USP34: variants seen among roughly 807,000 people sequenced by gnomAD.
USP34 encodes ubiquitin specific peptidase 34.
A neutral mutation model predicts 460.3 loss-of-function variants in USP34; 70 were observed. The observed-to-expected ratio is 0.15, with a 90% CI of 0.13 to 0.19. The LOEUF is 0.19. Among genes scored for constraint, USP34 ranks in the 10% least tolerant of loss-of-function variants. The probability of loss-of-function intolerance (pLI) is 1.00; values close to 1 mark genes in which losing one functional copy is unlikely to be tolerated. For missense variants in USP34, 3,985 were observed against 4,236.2 expected (o/e 0.94, Z 1.65); for synonymous variants, 1,647 against 1,405.3 (o/e 1.17, Z -3.85).
At chr2:61,460,383 G>A (rs1351220113) in intron 1 of USP34, among the ~76,000 whole-genome samples, 1 of 152,158 alleles carries the variant, frequency 6.6e-6, no homozygotes, top group Non-Finnish European at 1.5e-5. Flanking sequence ...TAGCTGTCCT[G>A]GTTATCAGAT....
At chr2:61,363,451 T>C (rs1296907640) in intron 10 of USP34, among the ~76,000 whole-genome samples, 2 of 152,060 alleles carry the variant, frequency 1.3e-5, no homozygotes, top group Non-Finnish European at 2.9e-5. Flanking sequence ...GATGGTAGAG[T>C]CTACTACACA....
chr2:61,404,976 C>G (rs1693824796), intron 3 of USP34, among the ~76,000 whole-genome samples: 1 of 151,604 alleles, frequency 6.6e-6, no homozygotes, highest in Non-Finnish European at 1.5e-5. Flanking sequence ...GTCTGTAATC[C>G]CAGCACTTTG....
Position 61,188,259 on chromosome 2 carries a change from T to C in USP34, c.10484A>G (p.Asp3495Gly). 6.2e-7 allele frequency: 1 copy of C among 1,614,056 alleles called. No homozygotes were observed. Among genetic ancestry groups the C allele is most frequent in the Non-Finnish European group, 8.5e-7 (1 of 1,180,032 alleles). ...SCDGQALPSQDPEVALSLSCG... is the reference protein window; with the variant it reads ...SCDGQALPSQGPEVALSLSCG... ...ACTGAGAGATAAAGCAACCTCAGGG[T>C]CCTGGGAGGGCAAAGCTTGGCCATC... Residue 3495 changes from aspartate to glycine, a missense_variant, in exon 80 of 80, where the codon GAC becomes GGC. Transcript: ENST00000398571.
At chr2:61,385,379 C>A (rs1225006362) in intron 5 of USP34, among the ~76,000 whole-genome samples, 1 of 151,984 alleles carries the variant, frequency 6.6e-6, no homozygotes, top group Non-Finnish European at 1.5e-5. Context: ...AGCTAAAACT[C>A]TCTAAGAAAT....
At position 61,358,257 on chromosome 2, in the gene USP34, G is replaced by A. The variant is rs1692165897; in HGVS notation, c.1252-7564C>T. On this transcript the variant is annotated intron_variant, in intron 10 of 79. Transcript: ENST00000398571. ...ATAGAGAAAACTAACAAAACCAAAGGACGGTTTGTTAAAGAATTTTATAAA... is the reference window on the plus strand; with the variant it reads ...ATAGAGAAAACTAACAAAACCAAAGAACGGTTTGTTAAAGAATTTTATAAA... Among the ~76,000 whole-genome samples the A allele has an allele frequency of 2.0e-5, 3 of 151,244 alleles. No individual in the cohort carries two copies. In the South Asian group the frequency reaches 6.3e-4, roughly 32 times the overall value.
chr2:61,317,440 T>G (rs1264720776), intron 23 of USP34, among the ~76,000 whole-genome samples: 1 of 152,104 alleles, frequency 6.6e-6, no homozygotes, highest in African/African-American at 2.4e-5. Context: ...GGCTAGAGAA[T>G]CTCTTGAATC....
intron 16 of USP34, 77 bp downstream of exon 16, chr2:61,343,738 G>T: frequency 6.9e-7 from 1 of 1,439,934 alleles, no homozygotes. Context: ...CTTAACTATT[G>T]AGTCCTTTCA....
intron 1 of USP34, among the ~76,000 whole-genome samples, chr2:61,439,868 G>C (rs571609236): frequency 1.3e-5 from 2 of 152,288 alleles, no homozygotes; most frequent in East Asian, 3.9e-4. Flanking sequence ...GAGGTGTCTG[G>C]GTGTGGATTC....
intron 33 of USP34, among the ~76,000 whole-genome samples, chr2:61,290,037 C>G (rs1347267908): frequency 2.0e-5 from 3 of 152,104 alleles, no homozygotes; most frequent in East Asian, 3.8e-4. Context: ...GACCATCTCA[C>G]AACTATATAC....
At chr2:61,280,072 G>C (rs991668340) in intron 39 of USP34, among the ~76,000 whole-genome samples, 172 bp downstream of exon 39, 1 of 152,106 alleles carries the variant, frequency 6.6e-6, no homozygotes, top group Non-Finnish European at 1.5e-5. Flanking sequence ...GTAAAAACAC[G>C]AAAGGAATTA....
chr2:61,332,038 A>G (rs1473679580), intron 19 of USP34, among the ~76,000 whole-genome samples: 1 of 152,076 alleles, frequency 6.6e-6, no homozygotes, highest in Admixed American at 6.6e-5. Flanking sequence ...TTTAAACAGA[A>G]GTTACTTTCA....
chr2:61,333,721 C>G (rs1691337791), intron 19 of USP34, among the ~76,000 whole-genome samples, 161 bp downstream of exon 19: 1 of 152,048 alleles, frequency 6.6e-6, no homozygotes, highest in Non-Finnish European at 1.5e-5. Flanking sequence ...AGGATATAAT[C>G]TCTACAGGGG....
intron 57 of USP34, among the ~76,000 whole-genome samples, chr2:61,235,451 G>A (rs537059584): frequency 2.0e-5 from 3 of 151,266 alleles, no homozygotes; most frequent in East Asian, 1.9e-4. Context: ...TCCGCCTCCC[G>A]AGGTGCTGGG....
chr2:61,204,749 T>G, intron 72 of USP34, 148 bp from the exon 73 acceptor site: 1 of 642,974 alleles, frequency 1.6e-6, no homozygotes. Context: ...AATTCTGTCT[T>G]ATGCTCAATC....
At chr2:61,281,045 A>G (rs1363889512) in intron 38 of USP34, 45 bp downstream of exon 38, 1 of 1,583,532 alleles carries the variant, frequency 6.3e-7, no homozygotes, top group Non-Finnish European at 8.6e-7. Flanking sequence ...GAGGCAAAGG[A>G]AATTTCAAAA....
intron 6 of USP34, among the ~76,000 whole-genome samples, chr2:61,381,958 G>A (rs1692988052): frequency 6.6e-6 from 1 of 151,932 alleles, no homozygotes; most frequent in African/African-American, 2.4e-5. Context: ...GAGGAGGGGG[G>A]GTGCTGAATG....
At chr2:61,445,457 C>T (rs1573049544) in intron 1 of USP34, among the ~76,000 whole-genome samples, 1 of 150,544 alleles carries the variant, frequency 6.6e-6, no homozygotes, top group Non-Finnish European at 1.5e-5. Context: ...ATGGCATGAA[C>T]CCGGGAGGCA....
At chr2:61,331,826 AAATAATGTAG>A (rs1321260419) in intron 19 of USP34, among the ~76,000 whole-genome samples, 1 of 152,056 alleles carries the variant, frequency 6.6e-6, no homozygotes, top group Non-Finnish European at 1.5e-5. Flanking sequence ...CTGAGTTCCA[AAATAATGTAG>A]AAATACTACA....
intron 33 of USP34, among the ~76,000 whole-genome samples, chr2:61,289,426 G>A (rs1478858049): frequency 2.6e-5 from 4 of 152,072 alleles, no homozygotes; most frequent in African/African-American, 9.6e-5. Flanking sequence ...TTTAAATATT[G>A]TTTAGTATGT....
Sources: allele counts gnomAD v4.1 joint callset (sites outside exome capture counted in the v4.1 genomes callset), GRCh38; gene constraint gnomAD v4.1.1; transcripts MANE v1.5; gene names NCBI Gene and HGNC (gene_info 2026-07-23, HGNC 2026-07-21).